The following ZNF799 variants were observed in gnomAD, a reference collection of about 807,000 sequenced individuals.
ZNF799 encodes zinc finger protein 14.
Under a neutral mutation model 41.0 loss-of-function variants are expected in ZNF799, and 28 were observed. That is an observed-to-expected ratio of 0.68 (90% CI 0.51 to 0.94). The LOEUF (loss-of-function observed/expected upper bound fraction) is 0.94, where lower values mean the gene tolerates loss of function less well. ZNF799 is among the 40% of genes least tolerant of loss of function. The probability of loss-of-function intolerance (pLI) is 0.00; values close to 1 mark genes in which losing one functional copy is unlikely to be tolerated. For missense variants in ZNF799, 716 were observed against 764.3 expected (o/e 0.94, Z 0.74); for synonymous variants, 213 against 252.9 (o/e 0.84, Z 1.50).
rs1222827205 is a variant in ZNF799 at position 12,391,860 on chromosome 19, A to G, written c.538T>C (p.Ser180Pro). Residue 180 changes from serine to proline, a missense_variant, in exon 4 of 4, where the codon TCT becomes CCT. Physicochemically the swap from Ser to Pro is moderately conservative, Grantham distance 74. Transcript: ENST00000430385. ...ATGTGTCTTTGAAGGTTTCCCAAAG[A>G]ACTGAAGGACTTCCCACATTCTTTA... The part of the protein sequence containing the change: ...NCKECGKSFS[S>P]LGNLQRHMAV... 1.2e-6 allele frequency: 2 copies of G among 1,614,012 alleles called. No homozygotes were observed. The highest frequency in any genetic ancestry group is 2.7e-5 in the African/African-American group (2 of 74,922).
chr19:12,401,374 G>A, upstream of ZNF799: 1 of 735,940 alleles, frequency 1.4e-6, no homozygotes. Flanking sequence ...GCTGAGTGGA[G>A]CCAGATGAGC....
At chr19:12,400,644 C>G (rs1969964641) in intron 1 of ZNF799, 1 of 324,622 alleles carries the variant, frequency 3.1e-6, no homozygotes, top group African/African-American at 2.2e-5. Flanking sequence ...CAACCAACGA[C>G]CCTACACCCA....
chr19:12,408,185 GA>G, the ZNF799 span, among the ~76,000 whole-genome samples: 1 of 151,882 alleles, frequency 6.6e-6, no homozygotes, highest in Non-Finnish European at 1.5e-5. Flanking sequence ...GAAAAGAAAA[GA>G]AAAGAAAATG....
In ZNF799 at chr19:12,391,028, A is replaced by C. The variant is rs878964016; in HGVS notation, c.1370T>G (p.Phe457Cys). The C allele has an allele frequency of 3.7e-6, 6 of 1,614,166 alleles. No individual in the cohort carries two copies. Among genetic ancestry groups the C allele is most frequent in the Non-Finnish European group, 5.1e-6 (6 of 1,180,026 alleles). Residue 457 changes from phenylalanine to cysteine, a missense_variant, in exon 4 of 4, where the codon TTT (phenylalanine) becomes TGT (cysteine). Around this residue, in one of 2 missense-constraint regions of ZNF799, gnomAD observed 698 missense variants for 713.6 expected, o/e 0.98. Coordinates refer to ENST00000430385, the MANE Select transcript of ZNF799 (RefSeq NM_001080821.3). ...KPYKCKCGKA[F>C]IDFYSFQNHK... ...ATTTTGAAAGGAATAGAAATCAATA[A>C]AGGCTTTCCCACATTTGCATTTATA...
At chr19:12,400,820 T>G in intron 1 of ZNF799, 1 of 607,646 alleles carries the variant, frequency 1.6e-6, no homozygotes, top group South Asian at 2.0e-5. Context: ...GACGCGAGGC[T>G]GCGGGCGCGG....
intron 1 of ZNF799, among the ~76,000 whole-genome samples, chr19:12,398,669 T>C (rs574528156): frequency 3.9e-4 from 60 of 152,342 alleles, no homozygotes; most frequent in African/African-American, 1.2e-3. Context: ...GATTTCTCCA[T>C]TGTCCCAAAA....
At chr19:12,412,493 G>A in the ZNF799 span, among the ~76,000 whole-genome samples, 1 of 151,548 alleles carries the variant, frequency 6.6e-6, no homozygotes, top group African/African-American at 2.4e-5. Context: ...TCTCTTTGTA[G>A]GATTGTCTTG....
At chr19:12,400,856 C>G in intron 1 of ZNF799, 1 of 785,324 alleles carries the variant, frequency 1.3e-6, no homozygotes, top group Non-Finnish European at 2.0e-6. Flanking sequence ...GCGCCGGGGC[C>G]GCAGTCGCCG....
At position 12,390,132 on chromosome 19, in the gene ZNF799, A is replaced by G. The variant is rs962821030; in HGVS notation, c.*334T>C. ...ACTCTTTTCCTTATCATGAGTCCCT[A>G]AACAATACAATAGAACAACTATTTG... On this transcript the variant is annotated 3_prime_UTR_variant, in exon 4 of 4. Transcript: ENST00000430385. 3 of 427,198 alleles carry G rather than the reference A, an allele frequency of 7.0e-6. No individual in the cohort carries two copies. In the Admixed American group the frequency reaches 1.2e-4, roughly 17 times the overall value. 26.5% of individuals were successfully genotyped at this position (427,198 alleles called of 1,614,324 possible). A position where few individuals can be genotyped will look rare whatever the true frequency, so the allele number is the denominator to read the frequency against.
upstream of ZNF799, among the ~76,000 whole-genome samples, chr19:12,404,583 C>T (rs1268434211): frequency 6.6e-6 from 1 of 152,152 alleles, no homozygotes; most frequent in Admixed American, 6.5e-5. Context: ...GCCACCATGC[C>T]CGGCCCTCAG....
At chr19:12,400,862 C>G in intron 1 of ZNF799, 2 of 838,562 alleles carry the variant, frequency 2.4e-6, no homozygotes, top group Non-Finnish European at 1.8e-6. Context: ...GGGCCGCAGT[C>G]GCCGCGCAGG....
intron 1 of ZNF799, 27 bp downstream of exon 1, chr19:12,401,041 C>T (rs1293487235): frequency 6.2e-7 from 1 of 1,614,014 alleles, no homozygotes; most frequent in Admixed American, 1.7e-5. Flanking sequence ...CCTCCCCCGC[C>T]TCGGGACGCC....
Position 12,398,949 on chromosome 19 carries a change from A to G in ZNF799, c.3+2119T>C, listed in dbSNP as rs145053610. 2.2e-3 allele frequency among the ~76,000 whole-genome samples: 339 copies of G among 152,358 alleles called. 1 individual carries two copies. The highest frequency in any genetic ancestry group is 8.0e-3 in the African/African-American group (333 of 41,576). ...AATGGAATAGAAGATTACATATACC[A>G]TTTATATTCTGAAATCCAACTCTTT... is the stretch of plus-strand genomic sequence containing the variant. On this transcript the variant is annotated intron_variant, in intron 1 of 3. Coordinates refer to ENST00000430385, the MANE Select transcript of ZNF799 (RefSeq NM_001080821.3).
intron 1 of ZNF799, among the ~76,000 whole-genome samples, chr19:12,399,957 A>G (rs746687877): frequency 2.0e-5 from 3 of 152,166 alleles, no homozygotes; most frequent in Non-Finnish European, 4.4e-5. Context: ...GGAACCCAAA[A>G]TAATTCTTTC....
At chr19:12,393,742 C>G in intron 1 of ZNF799, 11 of 1,131,666 alleles carry the variant, frequency 9.7e-6, no homozygotes, top group Non-Finnish European at 1.2e-5. Flanking sequence ...ACGATAAAGT[C>G]CTACTACTTA....
rs1202745646 is a variant in ZNF799 at position 12,392,160 on chromosome 19, A to G, written c.238T>C (p.Cys80Arg). ...TGAATCTGGCTAGATGTTTCTCCAC[A>G]TTGAGTTCCATCTTTACTTTCAACA... Reference protein sequence around the residue: ...RFVESKDGTQCGETSSQIQDS... With the variant: ...RFVESKDGTQRGETSSQIQDS... Residue 80 changes from cysteine (C) to arginine (R), a missense_variant, in exon 4 of 4, where the codon TGT becomes CGT. Cys to Arg is a radical substitution (Grantham distance 180, BLOSUM62 -3). This residue lies in a region of ZNF799 where 698 missense variants were observed against 713.6 expected (regional missense o/e 0.98). Transcript: ENST00000430385. The G allele has an allele frequency of 8.1e-6, 13 of 1,600,526 alleles. No individual in the cohort carries two copies. The highest frequency in any genetic ancestry group is 1.3e-5 in the African/African-American group (1 of 74,494).
At chr19:12,411,868 C>T in the ZNF799 span, among the ~76,000 whole-genome samples, 1 of 152,130 alleles carries the variant, frequency 6.6e-6, no homozygotes, top group African/African-American at 2.4e-5. Flanking sequence ...CAGCCTCAGC[C>T]TCCCAAAGTG....
At chr19:12,394,575 T>C in intron 1 of ZNF799, 3 of 985,334 alleles carry the variant, frequency 3.0e-6, no homozygotes, top group Non-Finnish European at 3.6e-6. Context: ...AGATCAAATG[T>C]ACTGAAGTAT....
chr19:12,399,471 C>T (rs923595256), intron 1 of ZNF799, among the ~76,000 whole-genome samples: 1 of 151,024 alleles, frequency 6.6e-6, no homozygotes, highest in African/African-American at 2.5e-5. Context: ...AGGTGAGTGT[C>T]CCAGGAGTTA....
Sources: allele counts gnomAD v4.1 joint callset (sites outside exome capture counted in the v4.1 genomes callset), GRCh38; gene constraint gnomAD v4.1.1; regional missense constraint gnomAD v4.1.1; transcripts MANE v1.5; gene names NCBI Gene and HGNC (gene_info 2026-07-23, HGNC 2026-07-21).